FBP1: variants seen among roughly 807,000 people sequenced by gnomAD.
FBP1 encodes the protein fructose-1,6-bisphosphatase 1.
FBP1 carries 22 observed loss-of-function variants against 29.9 expected under a neutral mutation model. That is an observed-to-expected ratio of 0.74 (90% confidence interval 0.53 to 1.05). FBP1 has a LOEUF of 1.05. Among genes scored for constraint, FBP1 ranks in the 50% least tolerant of loss-of-function variants. The pLI is 0.00. For synonymous variants in FBP1, 175 were observed against 178.6 expected (o/e 0.98, Z 0.16); for missense variants, 345 against 448.2 (o/e 0.77, Z 2.08).
Position 94,639,328 on chromosome 9 carries a change from C to A in FBP1, c.-18G>T, listed in dbSNP as rs1006994685. On this transcript the variant is annotated 5_prime_UTR_variant, in exon 1 of 7. Coordinates refer to ENST00000375326, the MANE Select transcript of FBP1 (RefSeq NM_000507.4). ...TCAGCCATGCTTGAACCGGGTAGAGCGCGGGGCTGCAGGTGCAAGCGGCAG... is the reference window on the plus strand; with the variant it reads ...TCAGCCATGCTTGAACCGGGTAGAGAGCGGGGCTGCAGGTGCAAGCGGCAG... The A allele has an allele frequency of 2.2e-5, 36 of 1,600,752 alleles. No individual in the cohort carries two copies. The highest frequency in any genetic ancestry group is 3.0e-5 in the Non-Finnish European group (35 of 1,174,024).
chr9:94,625,672 G>A (rs1828014894), intron 1 of FBP1, among the ~76,000 whole-genome samples: 1 of 152,274 alleles, frequency 6.6e-6, no homozygotes, highest in African/African-American at 2.4e-5. Flanking sequence ...GCAGGCGCCT[G>A]TGGTCCCAGC....
At chr9:94,639,024 T>A in intron 1 of FBP1, 117 bp downstream of exon 1, 1 of 1,031,648 alleles carries the variant, frequency 9.7e-7, no homozygotes. Flanking sequence ...CGCTCAGACA[T>A]CAGACGGACA....
chr9:94,619,900 A>AAAAAAAAAAAG (rs1827920528), intron 2 of FBP1, among the ~76,000 whole-genome samples: 1 of 146,430 alleles, frequency 6.8e-6, no homozygotes, highest in African/African-American at 2.5e-5. Flanking sequence ...AAAAAAAAAA[A>AAAAAAAAAAAG]AAGAAGCAGA....
At chr9:94,620,906 G>A (rs1290093494) in intron 1 of FBP1, among the ~76,000 whole-genome samples, 1 of 152,186 alleles carries the variant, frequency 6.6e-6, no homozygotes, top group Non-Finnish European at 1.5e-5. Context: ...AGAACTTAAA[G>A]TATAATAATA....
intron 2 of FBP1, among the ~76,000 whole-genome samples, chr9:94,619,901 A>AAAAAAAAAAAAAAAAAAAAT (rs1827920642): frequency 7.3e-6 from 1 of 137,732 alleles, no homozygotes; most frequent in African/African-American, 2.6e-5. Context: ...AAAAAAAAAA[A>AAAAAAAAAAAAAAAAAAAAT]AGAAGCAGAG....
chr9:94,627,126 T>G (rs1416522968), intron 1 of FBP1, among the ~76,000 whole-genome samples: 2 of 150,868 alleles, frequency 1.3e-5, no homozygotes, highest in Non-Finnish European at 2.9e-5. Flanking sequence ...AGGCAGAGGT[T>G]GCAGTAAGCT....
chr9:94,630,616 T>C (rs962965631), intron 1 of FBP1, among the ~76,000 whole-genome samples: 2 of 152,206 alleles, frequency 1.3e-5, no homozygotes, highest in Non-Finnish European at 2.9e-5. Flanking sequence ...GGGGCATAAC[T>C]GAGTTGATAC....
intron 1 of FBP1, among the ~76,000 whole-genome samples, chr9:94,631,522 G>C (rs989242651): frequency 5.3e-5 from 8 of 152,170 alleles, no homozygotes; most frequent in African/African-American, 1.9e-4. Context: ...GTGATGATTG[G>C]GGGAGGCTGC....
intron 1 of FBP1, among the ~76,000 whole-genome samples, chr9:94,621,257 G>A (rs1297101840): frequency 2.0e-5 from 3 of 149,350 alleles, no homozygotes; most frequent in Admixed American, 1.3e-4. Context: ...TTAGCCGGGT[G>A]TGGTGGCGGG....
intron 1 of FBP1, among the ~76,000 whole-genome samples, chr9:94,634,162 G>C (rs958365801): frequency 3.3e-5 from 5 of 151,534 alleles, no homozygotes; most frequent in Admixed American, 1.3e-4. Context: ...TGGGCTTGGT[G>C]GTGGGCGCCT....
intron 3 of FBP1, among the ~76,000 whole-genome samples, chr9:94,614,293 C>T (rs530623846): frequency 6.6e-6 from 1 of 151,598 alleles, no homozygotes; most frequent in African/African-American, 2.4e-5. Flanking sequence ...GTAATTCCAG[C>T]ACTTTGGGAG....
In FBP1 at chr9:94,639,369, T is replaced by A. The variant is rs913996916; in HGVS notation, c.-59A>T. ...CAAGCGGCAGGTGCGGGGCTGCAGGTGCGGGCGGCAAGAGAGGGCAGTAGG... is the reference window on the plus strand; with the variant it reads ...CAAGCGGCAGGTGCGGGGCTGCAGGAGCGGGCGGCAAGAGAGGGCAGTAGG... On this transcript the variant is annotated 5_prime_UTR_variant, in exon 1 of 7. Transcript: ENST00000375326. 6.5e-5 allele frequency: 102 copies of A among 1,557,952 alleles called. No individual in the cohort carries two copies. The highest frequency in any genetic ancestry group is 8.3e-5 in the Non-Finnish European group (95 of 1,149,398).
chr9:94,604,312 A>T (rs1035975586), intron 6 of FBP1, among the ~76,000 whole-genome samples: 1 of 152,188 alleles, frequency 6.6e-6, no homozygotes, highest in Non-Finnish European at 1.5e-5. Context: ...AAAGTGCTGG[A>T]AAGCAGGCTA....
Position 94,606,815 on chromosome 9 carries a change from T to C in FBP1, c.705A>G (p.Pro235=), listed in dbSNP as rs112446147. The change falls in exon 5 of 7, where the codon CCA becomes CCG. Residue 235 remains proline (P), a splice_region_variant and synonymous_variant. Coordinates refer to ENST00000375326, the MANE Select transcript of FBP1 (RefSeq NM_000507.4). Reference sequence around the variant, plus strand: ...CCACCCTCCCCGGGCCCTCACTTACTGGGGGGAACTTCTTCCTCTGGATGT... The same window carrying C: ...CCACCCTCCCCGGGCCCTCACTTACCGGGGGGAACTTCTTCCTCTGGATGT... ...TEYIQRKKFP[P]DNSAPYGARY... 26 of 1,613,372 alleles carry C rather than the reference T, an allele frequency of 1.6e-5. No homozygotes were observed. Among genetic ancestry groups the C allele is most frequent in the Non-Finnish European group, 2.1e-5 (25 of 1,179,656 alleles).
chr9:94,619,874 C>CAAAAAAAAA lies in FBP1; in HGVS notation c.333+446_333+454dup, dbSNP rs56722632. On this transcript the variant is annotated intron_variant, in intron 2 of 6. Coordinates refer to ENST00000375326, the MANE Select transcript of FBP1 (RefSeq NM_000507.4). ...GGGCAACAAGAGCAAAACACTGTCT[C>CAAAAAAAAA]AAAAAAAAAAAAAAAAAAAAAAAAA... 6.7e-4 allele frequency among the ~76,000 whole-genome samples: 66 copies of CAAAAAAAAA among 99,162 alleles called. 8 individuals carry two copies. Among genetic ancestry groups the CAAAAAAAAA allele is most frequent in the African/African-American group, 3.4e-3 (59 of 17,532 alleles). The allele number at this position is 99,162 out of a possible 152,430, so 65.1% of individuals were successfully genotyped here. A position where few individuals can be genotyped will look rare whatever the true frequency, so the allele number is the denominator to read the frequency against.
intron 1 of FBP1, among the ~76,000 whole-genome samples, 174 bp from the exon 2 acceptor site, chr9:94,620,665 A>T (rs765549847): frequency 1.3e-5 from 2 of 152,256 alleles, no homozygotes; most frequent in Non-Finnish European, 2.9e-5. Context: ...ATACAGGAAC[A>T]GAAAACCAAA....
intron 1 of FBP1, among the ~76,000 whole-genome samples, chr9:94,637,713 G>A (rs557353323): frequency 6.6e-6 from 1 of 152,162 alleles, no homozygotes; most frequent in South Asian, 2.1e-4. Flanking sequence ...TTTTTATAGT[G>A]TGCATAAGTG....
rs1278856285 is a variant in FBP1, at chr9:94,628,405, T to G, written c.171-7914A>C. On this transcript the variant is annotated intron_variant, in intron 1 of 6. Transcript: ENST00000375326. ...TCAAAAAAAAAAAAAAAATTTATCA[T>G]AGAGGGGAAAGGCAACATTGTGAGG... 5.6e-5 allele frequency among the ~76,000 whole-genome samples: 8 copies of G among 144,100 alleles called. No homozygotes were observed. The South Asian group carries it at 1.6e-3, about 28-fold the overall frequency. The allele number at this position is 144,100 out of a possible 152,430, so 94.5% of individuals were successfully genotyped here. A position where few individuals can be genotyped will look rare whatever the true frequency, so the allele number is the denominator to read the frequency against.
At chr9:94,621,351 G>A (rs1419520606) in intron 1 of FBP1, among the ~76,000 whole-genome samples, 7 of 150,500 alleles carry the variant, frequency 4.7e-5, no homozygotes, top group Non-Finnish European at 5.9e-5. Context: ...AGCCGAGATC[G>A]CACCACTGCA....
Sources: gnomAD v4.1 joint callset for allele counts (sites outside exome capture counted in the v4.1 genomes callset) on GRCh38, gnomAD v4.1.1 for gene constraint, MANE v1.5 for transcripts, NCBI Gene and HGNC (gene_info 2026-07-23, HGNC 2026-07-21) for gene names.